The following ARHGAP42 variants were observed in gnomAD, a reference collection of about 807,000 sequenced individuals.
ARHGAP42 encodes Rho GTPase activating protein 42, also known as rho GTPase-activating protein 42.
ARHGAP42 carries 63 observed loss-of-function variants against 125.0 expected under a neutral mutation model. The observed-to-expected ratio is 0.50, with a 90% CI of 0.41 to 0.62. The LOEUF (loss-of-function observed/expected upper bound fraction) is 0.62. Ranked by LOEUF, ARHGAP42 falls within the 20% of genes least tolerant of loss-of-function variation. The pLI is 0.00. For synonymous variants in ARHGAP42, 339 were observed against 351.0 expected (o/e 0.97, Z 0.38); for missense variants, 766 against 1,024.2 (o/e 0.75, Z 3.44).
At chr11:100,819,405 G>A (rs1864353386) in intron 3 of ARHGAP42, among the ~76,000 whole-genome samples, 2 of 152,130 alleles carry the variant, frequency 1.3e-5, no homozygotes, top group Admixed American at 1.3e-4. Flanking sequence ...TTGGGGTACA[G>A]GGCTGAGGAG....
intron 1 of ARHGAP42, among the ~76,000 whole-genome samples, chr11:100,759,108 TAGGTTAGC>T (rs772248171): frequency 6.6e-6 from 1 of 152,168 alleles, no homozygotes; most frequent in Non-Finnish European, 1.5e-5. Flanking sequence ...GTTGAGATTG[TAGGTTAGC>T]AGGTAAAAAT....
chr11:100,836,568 A>C (rs1428108923), intron 3 of ARHGAP42, among the ~76,000 whole-genome samples: 1 of 152,072 alleles, frequency 6.6e-6, no homozygotes, highest in African/African-American at 2.4e-5. Flanking sequence ...GCTTTTCCTA[A>C]TAATTCAAAA....
intron 2 of ARHGAP42, among the ~76,000 whole-genome samples, chr11:100,779,196 C>T (rs576962153): frequency 6.6e-6 from 1 of 151,852 alleles, no homozygotes; most frequent in Non-Finnish European, 1.5e-5. Context: ...CCTGTAATCC[C>T]AGCACTTTGG....
chr11:100,794,160 T>G (rs532341110), intron 2 of ARHGAP42, among the ~76,000 whole-genome samples: 55 of 147,946 alleles, frequency 3.7e-4, no homozygotes, highest in African/African-American at 1.3e-3. Flanking sequence ...ACCCAAACAT[T>G]CTAACTTTGG....
chr11:100,980,029 A>G (rs935854262), intron 22 of ARHGAP42, among the ~76,000 whole-genome samples: 3 of 152,246 alleles, frequency 2.0e-5, no homozygotes, highest in African/African-American at 4.8e-5. Context: ...AAGAATAACA[A>G]TAACAATAAC....
chr11:100,928,532 A>G (rs1867488370), intron 6 of ARHGAP42, among the ~76,000 whole-genome samples: 1 of 151,636 alleles, frequency 6.6e-6, no homozygotes. Flanking sequence ...ACTGCAGTGA[A>G]CTCTAATCAT....
intron 4 of ARHGAP42, among the ~76,000 whole-genome samples, chr11:100,904,914 A>G (rs1866678998): frequency 6.6e-6 from 1 of 152,184 alleles, no homozygotes; most frequent in African/African-American, 2.4e-5. Context: ...CTTTACAACC[A>G]CTGTTAATTG....
chr11:100,929,257 G>C (rs1867510790), intron 6 of ARHGAP42, among the ~76,000 whole-genome samples: 1 of 152,126 alleles, frequency 6.6e-6, no homozygotes, highest in African/African-American at 2.4e-5. Flanking sequence ...ACTCTCCTAT[G>C]AGAATCTAAT....
chr11:100,982,507 T>G (rs1205593921), intron 22 of ARHGAP42, among the ~76,000 whole-genome samples: 1 of 152,234 alleles, frequency 6.6e-6, no homozygotes, highest in Non-Finnish European at 1.5e-5. Flanking sequence ...ATTGGTTATT[T>G]ACAATTGTTT....
At chr11:100,787,528 T>C (rs1205684523) in intron 2 of ARHGAP42, among the ~76,000 whole-genome samples, 1 of 152,180 alleles carries the variant, frequency 6.6e-6, no homozygotes, top group Non-Finnish European at 1.5e-5. Flanking sequence ...AATGAGAGTA[T>C]TCAGTGAGAC....
At chr11:100,829,791 G>A (rs912401104) in intron 3 of ARHGAP42, among the ~76,000 whole-genome samples, 19 of 152,226 alleles carry the variant, frequency 1.2e-4, no homozygotes, top group African/African-American at 4.6e-4. Flanking sequence ...AATTACCCAG[G>A]TATTCCTTGA....
At chr11:100,902,525 A>T (rs1439265691) in intron 4 of ARHGAP42, among the ~76,000 whole-genome samples, 1 of 152,168 alleles carries the variant, frequency 6.6e-6, no homozygotes, top group Non-Finnish European at 1.5e-5. Context: ...TACTCAATAA[A>T]GATGTTAACT....
At chr11:100,753,983 T>C (rs1862519028) in intron 1 of ARHGAP42, among the ~76,000 whole-genome samples, 1 of 152,264 alleles carries the variant, frequency 6.6e-6, no homozygotes, top group Non-Finnish European at 1.5e-5. Flanking sequence ...ACAGTGTGAA[T>C]TTCAACTCAA....
At chr11:100,910,482 C>A (rs1866882077) in intron 4 of ARHGAP42, among the ~76,000 whole-genome samples, 1 of 151,926 alleles carries the variant, frequency 6.6e-6, no homozygotes, top group African/African-American at 2.4e-5. Flanking sequence ...AAAATAATGC[C>A]ATATCAATAA....
At chr11:100,731,251 C>T (rs1037286208) in intron 1 of ARHGAP42, among the ~76,000 whole-genome samples, 2 of 151,924 alleles carry the variant, frequency 1.3e-5, no homozygotes, top group Admixed American at 6.6e-5. Context: ...CTCTGCCTCC[C>T]GGGTTCAAGG....
chr11:100,933,058 G>C (rs1330042022), intron 6 of ARHGAP42, 98 bp from the exon 7 acceptor site: 30 of 801,934 alleles, frequency 3.7e-5, no homozygotes, highest in Non-Finnish European at 5.3e-5. Flanking sequence ...GTATTAGTTT[G>C]AGGAATTATA....
At chr11:100,768,517 C>T (rs1325192387) in intron 1 of ARHGAP42, among the ~76,000 whole-genome samples, 2 of 152,034 alleles carry the variant, frequency 1.3e-5, no homozygotes, top group African/African-American at 4.8e-5. Context: ...TAAAATTTGG[C>T]CAAGGAGGGA....
At chr11:100,865,209 C>T (rs1463101036) in intron 4 of ARHGAP42, among the ~76,000 whole-genome samples, 4 of 152,036 alleles carry the variant, frequency 2.6e-5, no homozygotes, top group Admixed American at 6.6e-5. Flanking sequence ...TCTGAACATT[C>T]GTTTATTATT....
At position 100,749,872 on chromosome 11, in the gene ARHGAP42, C is replaced by T. The variant is rs530304455; in HGVS notation, c.155-20471C>T. 2.0e-5 allele frequency among the ~76,000 whole-genome samples: 3 copies of T among 152,322 alleles called. No individual in the cohort carries two copies. In the East Asian group the frequency reaches 5.8e-4, roughly 29 times the overall value. ...CCACCAAGGAGGTACTTTACCGGCTCCCGCAGCTTCTCCTTATTTGGTCTG... is the reference window on the plus strand; with the variant it reads ...CCACCAAGGAGGTACTTTACCGGCTTCCGCAGCTTCTCCTTATTTGGTCTG... On this transcript the variant is annotated intron_variant, in intron 1 of 23. Transcript: ENST00000298815.
Sources: allele counts gnomAD v4.1 joint callset (sites outside exome capture counted in the v4.1 genomes callset), GRCh38; gene constraint gnomAD v4.1.1; transcripts MANE v1.5; gene names NCBI Gene and HGNC (gene_info 2026-07-23, HGNC 2026-07-21).